CACNA1C: variants seen among roughly 807,000 people sequenced by gnomAD.
CACNA1C encodes the protein voltage-dependent L-type calcium channel subunit alpha-1C.
A neutral mutation model predicts 229.0 loss-of-function variants in CACNA1C; 30 were observed. The observed-to-expected ratio is 0.13, with a 90% CI of 0.10 to 0.18. CACNA1C has a LOEUF of 0.18. Among genes scored for constraint, CACNA1C ranks in the 10% least tolerant of loss-of-function variants. The probability of loss-of-function intolerance (pLI) is 1.00; values close to 1 mark genes in which losing one functional copy is unlikely to be tolerated. For missense variants in CACNA1C, 1,658 were observed against 2,845.0 expected (o/e 0.58, Z 9.49); for synonymous variants, 1,114 against 1,132.5 (o/e 0.98, Z 0.33).
intron 3 of CACNA1C, among the ~76,000 whole-genome samples, chr12:2,237,575 G>C (rs1256944785): frequency 6.6e-6 from 1 of 152,186 alleles, no homozygotes. Context: ...TTGAGTCTCT[G>C]GGAAGACCCT....
At chr12:2,316,793 G>A (rs965475101) in intron 3 of CACNA1C, among the ~76,000 whole-genome samples, 2 of 152,216 alleles carry the variant, frequency 1.3e-5, no homozygotes, top group African/African-American at 2.4e-5. Context: ...TGTGTCCTAT[G>A]AAGAGCTGAT....
intron 3 of CACNA1C, among the ~76,000 whole-genome samples, chr12:2,199,837 A>G (rs2097532601): frequency 1.3e-5 from 2 of 152,160 alleles, no homozygotes. Flanking sequence ...AGGCAGGACC[A>G]TATCACTGCA....
intron 1 of CACNA1C, among the ~76,000 whole-genome samples, chr12:2,111,424 G>A (rs1476894296): frequency 1.3e-5 from 2 of 152,024 alleles, no homozygotes; most frequent in Non-Finnish European, 2.9e-5. Context: ...CTCAGGCTGG[G>A]GCTTCCTGCC....
Position 2,530,697 on chromosome 12 carries a change from C to T in CACNA1C, c.1390+17713C>T, listed in dbSNP as rs539389243. ...TTGAATGCAGCTCTCTTTTTTCCAG[C>T]GGTGCTTCAGTTTTTTTCGTGATGA... On this transcript the variant is annotated intron_variant, in intron 9 of 46. Transcript: ENST00000399655. Among the ~76,000 whole-genome samples, 7 of 152,260 alleles carry T rather than the reference C, an allele frequency of 4.6e-5. 1 individual carries two copies. Among genetic ancestry groups the T allele is most frequent in the Admixed American group, 1.3e-4 (2 of 15,298 alleles).
chr12:2,144,148 A>G (rs1295999577), intron 3 of CACNA1C, among the ~76,000 whole-genome samples: 1 of 151,336 alleles, frequency 6.6e-6, no homozygotes, highest in Admixed American at 6.6e-5. Flanking sequence ...ACACATGGAA[A>G]AATTAGGAGC....
At chr12:2,513,934 G>C (rs2099790614) in intron 9 of CACNA1C, among the ~76,000 whole-genome samples, 1 of 152,194 alleles carries the variant, frequency 6.6e-6, no homozygotes, top group South Asian at 2.1e-4. Flanking sequence ...ATTTGGCCTT[G>C]ATCTCTGTGA....
chr12:2,653,000 G>A (rs1484100231), intron 32 of CACNA1C, among the ~76,000 whole-genome samples: 2 of 152,246 alleles, frequency 1.3e-5, no homozygotes, highest in Non-Finnish European at 2.9e-5. Flanking sequence ...TGCTCTGACG[G>A]CACCCTCTAG....
intron 3 of CACNA1C, among the ~76,000 whole-genome samples, chr12:2,371,609 C>T (rs1253190067): frequency 6.6e-6 from 1 of 151,826 alleles, no homozygotes; most frequent in Middle Eastern, 3.2e-3. Flanking sequence ...ACTTTGAGAA[C>T]CATCTCCTTA....
chr12:2,001,037 CAAA>C (rs55946150), intron 1 of CACNA1C, among the ~76,000 whole-genome samples: 12 of 124,344 alleles, frequency 9.7e-5, no homozygotes, highest in Admixed American at 2.4e-4. Flanking sequence ...GACTTCGTCT[CAAA>C]AAAAAAAAAA....
chr12:2,517,345 C>T (rs2099799194), intron 9 of CACNA1C, among the ~76,000 whole-genome samples: 2 of 152,242 alleles, frequency 1.3e-5, no homozygotes, highest in African/African-American at 2.4e-5. Context: ...CTCACACAGA[C>T]TCTAGCATGC....
At chr12:2,650,271 G>A (rs2094811345) in intron 31 of CACNA1C, among the ~76,000 whole-genome samples, 1 of 152,218 alleles carries the variant, frequency 6.6e-6, no homozygotes, top group South Asian at 2.1e-4. Flanking sequence ...TGCATAGTGA[G>A]GGGAGCGGCC....
chr12:2,396,295 A>G (rs2098572681), intron 3 of CACNA1C, among the ~76,000 whole-genome samples: 1 of 152,156 alleles, frequency 6.6e-6, no homozygotes, highest in South Asian at 2.1e-4. Context: ...TCTGGGAAAC[A>G]TGGAAATATT....
At chr12:2,276,909 C>T (rs1320923847) in intron 3 of CACNA1C, among the ~76,000 whole-genome samples, 1 of 152,022 alleles carries the variant, frequency 6.6e-6, no homozygotes, top group Non-Finnish European at 1.5e-5. Context: ...ACCAGAGAGA[C>T]CAGAGAAGGT....
chr12:1,997,931 T>C (rs1436120413), intron 1 of CACNA1C: 1 of 1,604,898 alleles, frequency 6.2e-7, no homozygotes, highest in Non-Finnish European at 8.5e-7. Context: ...TGAAACACTC[T>C]TACCTTGTAT....
rs573132104 is a variant in CACNA1C at position 2,653,116 on chromosome 12, T to C, written c.4075-719T>C. On this transcript the variant is annotated intron_variant, in intron 32 of 46. Transcript: ENST00000399655. The surrounding 1 kb of genome is among the most constrained non-coding windows in gnomAD (Gnocchi z 4.7). ...AGTCACGGGGGCTCTGGAAAATTAGTTGTCTGAGTTGCCAGGCAGATAATG... is the reference window on the plus strand; with the variant it reads ...AGTCACGGGGGCTCTGGAAAATTAGCTGTCTGAGTTGCCAGGCAGATAATG... Among the ~76,000 whole-genome samples, 2 of 152,234 alleles carry C rather than the reference T, an allele frequency of 1.3e-5. No homozygotes were observed. The highest frequency in any genetic ancestry group is 4.1e-4 in the South Asian group (2 of 4,832).
In CACNA1C at chr12:2,272,573, T is replaced by G. The variant is rs555100461; in HGVS notation, c.477+152143T>G. ...AATTTCTTAAGAACACAAGAAAGGCTGAACTTCCTGGAAGTTATTCCTAGG... is the reference window on the plus strand; with the variant it reads ...AATTTCTTAAGAACACAAGAAAGGCGGAACTTCCTGGAAGTTATTCCTAGG... On this transcript the variant is annotated intron_variant, in intron 3 of 46. Coordinates refer to ENST00000399655, the MANE Select transcript of CACNA1C (RefSeq NM_000719.7). Among the ~76,000 whole-genome samples the G allele has an allele frequency of 4.3e-4, 65 of 152,368 alleles. No homozygotes were observed. In the South Asian group the frequency reaches 7.9e-3, roughly 18 times the overall value.
chr12:2,666,349 G>A lies in CACNA1C; in HGVS notation c.4527-337G>A, dbSNP rs534821392. Among the ~76,000 whole-genome samples, 71 of 152,244 alleles carry A rather than the reference G, an allele frequency of 4.7e-4. No homozygotes were observed. Among genetic ancestry groups the A allele is most frequent in the African/African-American group, 1.6e-3 (66 of 41,548 alleles). On this transcript the variant is annotated intron_variant, in intron 36 of 46. Transcript: ENST00000399655. This position sits in a 1 kb window ranked among gnomAD's most constrained non-coding sequence, Gnocchi z 5.3. ...TCTGGTCTAAAGATCAATCACATTC[G>A]GCTGACCCTCAGTAAATACCTTTTG...
intron 3 of CACNA1C, among the ~76,000 whole-genome samples, chr12:2,126,036 C>T (rs531221506): frequency 1.3e-5 from 2 of 152,252 alleles, no homozygotes; most frequent in Non-Finnish European, 1.5e-5. Context: ...CCCATTCTGT[C>T]GCAGGCCCTT....
chr12:2,545,047 G>C (rs2099878511), intron 9 of CACNA1C, among the ~76,000 whole-genome samples: 1 of 152,114 alleles, frequency 6.6e-6, no homozygotes, highest in Admixed American at 6.5e-5. Flanking sequence ...TTTGGTGTAA[G>C]TTTGGCTTTG....
Sources: gnomAD v4.1 joint callset for allele counts (sites outside exome capture counted in the v4.1 genomes callset) on GRCh38, gnomAD v4.1.1 for gene constraint, Gnocchi (gnomAD v3.1) non-coding constraint, MANE v1.5 for transcripts, NCBI Gene and HGNC (gene_info 2026-07-23, HGNC 2026-07-21) for gene names.